The following DYNC2H1 variants were observed in gnomAD, a reference collection of about 807,000 sequenced individuals.
The protein encoded by DYNC2H1 is dynein cytoplasmic 2 heavy chain 1.
DYNC2H1 carries 410 observed loss-of-function variants against 570.0 expected under a neutral mutation model. The ratio of observed to expected loss-of-function variants is 0.72; its 90% confidence interval spans 0.66 to 0.78. The LOEUF is 0.78. Among genes scored for constraint, DYNC2H1 ranks in the 30% least tolerant of loss-of-function variants. The pLI, the probability that DYNC2H1 is intolerant of heterozygous loss-of-function variation, is 0.00. For missense variants in DYNC2H1, 4,865 were observed against 5,046.4 expected, an observed-to-expected ratio of 0.96 and a Z score of 1.09; for synonymous variants, 1,688 against 1,677.6, an observed-to-expected ratio of 1.01 and a Z score of -0.15.
At chr11:103,291,139 A>G (rs1483575927) in intron 75 of DYNC2H1, among the ~76,000 whole-genome samples, 2 of 152,200 alleles carry the variant, frequency 1.3e-5, no homozygotes, top group Non-Finnish European at 2.9e-5. Context: ...TAGCTGACCT[A>G]TTAATTTGTA....
At chr11:103,453,837 A>T (rs1274482084) in intron 85 of DYNC2H1, among the ~76,000 whole-genome samples, 1 of 151,814 alleles carries the variant, frequency 6.6e-6, no homozygotes. Flanking sequence ...ATGTTTAGCT[A>T]GCGAAAGAAA....
chr11:103,393,400 G>A (rs990941146), intron 83 of DYNC2H1, among the ~76,000 whole-genome samples: 4 of 152,072 alleles, frequency 2.6e-5, no homozygotes, highest in Non-Finnish European at 4.4e-5. Context: ...AAATTATGGA[G>A]CAGATATCAT....
chr11:103,283,052 T>C lies in DYNC2H1; in HGVS notation c.10857T>C (p.Asp3619=). Residue 3619 remains aspartate, a synonymous_variant, in exon 73 of 89, where the codon GAT becomes GAC. Transcript: ENST00000375735. The part of the protein sequence containing the change: ...KIRDQLPSWI[D]QERSWAVATL... ...GTGATCAGCTTCCGTCTTGGATAGATCAGGAACGAAGCTGGGCCGTGGCAA... is the reference window on the plus strand; with the variant it reads ...GTGATCAGCTTCCGTCTTGGATAGACCAGGAACGAAGCTGGGCCGTGGCAA... 1 of 1,609,106 alleles carries C rather than the reference T, an allele frequency of 6.2e-7. No homozygotes were observed. Among genetic ancestry groups the C allele is most frequent in the Non-Finnish European group, 8.5e-7 (1 of 1,177,202 alleles).
At chr11:103,115,537 C>G (rs1253149452) in intron 4 of DYNC2H1, among the ~76,000 whole-genome samples, 1 of 152,158 alleles carries the variant, frequency 6.6e-6, no homozygotes, top group Non-Finnish European at 1.5e-5. Flanking sequence ...GTGACTCACA[C>G]CTGTAATCCC....
intron 75 of DYNC2H1, among the ~76,000 whole-genome samples, chr11:103,302,101 A>G (rs1867072457): frequency 6.6e-6 from 1 of 152,070 alleles, no homozygotes; most frequent in Non-Finnish European, 1.5e-5. Flanking sequence ...TAATAGCAAA[A>G]TTATAATCTC....
Position 103,186,448 on chromosome 11 carries a change from T to G in DYNC2H1, c.6840T>G (p.Ser2280Arg). Residue 2280 changes from serine (S) to arginine (R), a missense_variant, in exon 42 of 89, where the codon AGT becomes AGG. Ser to Arg is a moderately radical substitution (Grantham distance 110). Around this residue, in one of 5 missense-constraint regions of DYNC2H1, gnomAD observed 2,401 missense variants for 2,454.6 expected, o/e 0.98. Transcript: ENST00000375735. This position sits in a 1 kb window ranked among gnomAD's most constrained non-coding sequence, Gnocchi z 4.5. ...RGLDYFKPWL[S>R]SDTKQPFILV... Reference sequence around the variant, plus strand: ...TAGATTATTTCAAACCATGGTTAAGTTCTGATACTAAACAGCCCTTTATTC... The same window carrying G: ...TAGATTATTTCAAACCATGGTTAAGGTCTGATACTAAACAGCCCTTTATTC... 3 of 1,612,560 alleles carry G rather than the reference T, an allele frequency of 1.9e-6. No homozygotes were observed. Among genetic ancestry groups the G allele is most frequent in the Non-Finnish European group, 2.5e-6 (3 of 1,179,102 alleles).
Position 103,244,646 on chromosome 11 carries a change from A to G in DYNC2H1, c.9919-605A>G, listed in dbSNP as rs1864539670. On this transcript the variant is annotated intron_variant, in intron 64 of 88. Coordinates refer to ENST00000375735, the MANE Select transcript of DYNC2H1 (RefSeq NM_001377.3). This position sits in a 1 kb window ranked among gnomAD's most constrained non-coding sequence, Gnocchi z 4.3. ...ACATATAAGTATACTATATATCTCT[A>G]TATAGTTATATACATTATAAGTACT... Among the ~76,000 whole-genome samples, 1 of 148,380 alleles carries G rather than the reference A, an allele frequency of 6.7e-6. No individual in the cohort carries two copies. Among genetic ancestry groups the G allele is most frequent in the Non-Finnish European group, 1.5e-5 (1 of 67,194 alleles).
In DYNC2H1 at chr11:103,264,175, T is replaced by C. The variant is rs1455374832; in HGVS notation, c.10695+4198T>C. On this transcript the variant is annotated intron_variant, in intron 70 of 88. Transcript: ENST00000375735. This position sits in a 1 kb window ranked among gnomAD's most constrained non-coding sequence, Gnocchi z 4.8. ...ACCAGGAAGAAGTCGAATCCCTGAA[T>C]AGACCAATAACAAGTTCTGAAATTG... Among the ~76,000 whole-genome samples, 1 of 152,138 alleles carries C rather than the reference T, an allele frequency of 6.6e-6. No individual in the cohort carries two copies. Among genetic ancestry groups the C allele is most frequent in the Admixed American group, 6.6e-5 (1 of 15,264 alleles).
chr11:103,432,456 C>A (rs1018871704), intron 84 of DYNC2H1, among the ~76,000 whole-genome samples: 2 of 152,118 alleles, frequency 1.3e-5, no homozygotes, highest in Admixed American at 1.3e-4. Context: ...CAAGGATCTC[C>A]TTTGCAAAAC....
At chr11:103,402,390 T>C (rs1942679294) in intron 84 of DYNC2H1, 1 of 152,172 alleles carries the variant, frequency 6.6e-6, no homozygotes, top group Non-Finnish European at 1.5e-5. Context: ...GGCCTTGAAA[T>C]GTGCTTTCTT....
At chr11:103,396,995 TG>T (rs1387086630) in intron 83 of DYNC2H1, among the ~76,000 whole-genome samples, 15 of 152,086 alleles carry the variant, frequency 9.9e-5, no homozygotes, top group Admixed American at 4.6e-4. Context: ...GGGTAAGGGT[TG>T]AAAAAATACC....
At chr11:103,267,086 G>A (rs1382265599) in intron 70 of DYNC2H1, among the ~76,000 whole-genome samples, 1 of 152,062 alleles carries the variant, frequency 6.6e-6, no homozygotes, top group Admixed American at 6.6e-5. Context: ...TGTCTGTGGT[G>A]GTCAAGGGAT....
rs1862648624 is a variant in DYNC2H1, at chr11:103,199,900, A to C, written c.8089-146A>C. ...TTTACTTTCCAAATTATGTGGCTAA[A>C]GTTTGATTTTTAATTATTAAAATGG... is the stretch of plus-strand genomic sequence containing the variant. On this transcript the variant is annotated intron_variant, in intron 49 of 88. Transcript: ENST00000375735. This position sits in a 1 kb window ranked among gnomAD's most constrained non-coding sequence, Gnocchi z 4.6. 8.3e-6 allele frequency: 5 copies of C among 604,970 alleles called. No homozygotes were observed. Among genetic ancestry groups the C allele is most frequent in the Non-Finnish European group, 1.4e-5 (5 of 359,696 alleles). 37.5% of individuals were successfully genotyped at this position (604,970 alleles called of 1,614,324 possible). A position where few individuals can be genotyped will look rare whatever the true frequency, so the allele number is the denominator to read the frequency against.
chr11:103,398,898 C>T (rs1048824247), intron 83 of DYNC2H1, among the ~76,000 whole-genome samples: 1 of 152,012 alleles, frequency 6.6e-6, no homozygotes, highest in East Asian at 1.9e-4. Context: ...CACAAGATTT[C>T]GTTTTTCGTT....
intron 21 of DYNC2H1, 99 bp from the exon 22 acceptor site, chr11:103,153,204 A>C (rs1419604918): frequency 9.3e-7 from 1 of 1,077,360 alleles, no homozygotes; most frequent in African/African-American, 1.7e-5. Flanking sequence ...GGTCATTGAT[A>C]TTTTTTCACT....
chr11:103,271,583 T>C (rs56800660), intron 70 of DYNC2H1, among the ~76,000 whole-genome samples: 1 of 152,104 alleles, frequency 6.6e-6, no homozygotes, highest in Non-Finnish European at 1.5e-5. Flanking sequence ...GATCATGGGG[T>C]TTATGGAATG....
At chr11:103,389,012 C>A (rs1942016198) in intron 83 of DYNC2H1, among the ~76,000 whole-genome samples, 1 of 152,138 alleles carries the variant, frequency 6.6e-6, no homozygotes, top group African/African-American at 2.4e-5. Flanking sequence ...TGATGCTGGC[C>A]TCTTAAAATG....
At chr11:103,122,698 G>C (rs115727602) in intron 10 of DYNC2H1, 127 bp from the exon 11 acceptor site, 1 of 806,744 alleles carries the variant, frequency 1.2e-6, no homozygotes, top group Admixed American at 3.0e-5. Context: ...TGAATCTTCC[G>C]TTTCACTGTT....
intron 83 of DYNC2H1, among the ~76,000 whole-genome samples, chr11:103,372,110 G>A (rs1423896502): frequency 2.4e-5 from 3 of 124,614 alleles, no homozygotes; most frequent in Non-Finnish European, 4.7e-5. Flanking sequence ...GCACGATCTT[G>A]CTCACTGCAA....
Sources: gnomAD v4.1 joint callset for allele counts (sites outside exome capture counted in the v4.1 genomes callset) on GRCh38, gnomAD v4.1.1 for gene constraint, gnomAD v4.1.1 regional missense constraint, Gnocchi (gnomAD v3.1) non-coding constraint, MANE v1.5 for transcripts, NCBI Gene and HGNC (gene_info 2026-07-23, HGNC 2026-07-21) for gene names.